The following COL13A1 variants were observed in gnomAD, a reference collection of about 807,000 sequenced individuals.
COL13A1 encodes the protein collagen type XIII alpha 1 chain.
In COL13A1, 89 loss-of-function variants were observed where a neutral mutation model predicts 130.9. That is an observed-to-expected ratio of 0.68 (90% CI 0.57 to 0.81). COL13A1 has a LOEUF of 0.81. Ranked by LOEUF, COL13A1 falls within the 30% of genes least tolerant of loss-of-function variation. The pLI is 0.00. For missense variants in COL13A1, 879 were observed against 934.6 expected (o/e 0.94, Z 0.78); for synonymous variants, 402 against 341.6 (o/e 1.18, Z -1.95).
At chr10:69,931,918 C>T (rs2066170524) in intron 30 of COL13A1, among the ~76,000 whole-genome samples, 1 of 152,156 alleles carries the variant, frequency 6.6e-6, no homozygotes, top group Non-Finnish European at 1.5e-5. Flanking sequence ...ATGTCTCAGC[C>T]AACTGTATTC....
At chr10:69,955,921 C>T (rs2070585278) in intron 39 of COL13A1, 1 of 152,124 alleles carries the variant, frequency 6.6e-6, no homozygotes, top group Admixed American at 6.5e-5. Flanking sequence ...TACAAGATAA[C>T]CAGACTTCCT....
chr10:69,808,817 A>G (rs897867108), intron 1 of COL13A1, among the ~76,000 whole-genome samples: 8 of 152,246 alleles, frequency 5.3e-5, no homozygotes, highest in African/African-American at 1.9e-4. Context: ...AAGGTTTATT[A>G]GTCAGCTCTC....
intron 1 of COL13A1, among the ~76,000 whole-genome samples, chr10:69,803,153 C>T (rs986547155): frequency 2.0e-5 from 3 of 152,208 alleles, no homozygotes; most frequent in African/African-American, 7.2e-5. Flanking sequence ...CCTCCCCCTC[C>T]ACCCCTTAAG....
intron 6 of COL13A1, 24 bp downstream of exon 6, chr10:69,878,089 G>C: frequency 2.8e-6 from 2 of 702,924 alleles, no homozygotes; most frequent in Non-Finnish European, 5.2e-6. Context: ...TTCCCCTTCT[G>C]CCCTGCACCC....
intron 26 of COL13A1, among the ~76,000 whole-genome samples, 196 bp from the exon 27 acceptor site, chr10:69,926,891 G>T (rs997613906): frequency 6.6e-6 from 1 of 152,170 alleles, no homozygotes; most frequent in African/African-American, 2.4e-5. Flanking sequence ...TCTCTCTCCA[G>T]TGATTACAAA....
intron 13 of COL13A1, among the ~76,000 whole-genome samples, chr10:69,898,368 G>A (rs2061862436): frequency 6.6e-6 from 1 of 152,354 alleles, no homozygotes; most frequent in African/African-American, 2.4e-5. Flanking sequence ...TGGCCATGTG[G>A]GAGCCACTGT....
chr10:69,912,747 G>A (rs1407585979), intron 17 of COL13A1, among the ~76,000 whole-genome samples: 1 of 152,218 alleles, frequency 6.6e-6, no homozygotes, highest in Non-Finnish European at 1.5e-5. Flanking sequence ...ACCTTGGCTG[G>A]GAGCTGACCG....
intron 1 of COL13A1, among the ~76,000 whole-genome samples, chr10:69,806,691 A>G (rs1841670423): frequency 6.6e-6 from 1 of 152,186 alleles, no homozygotes; most frequent in Non-Finnish European, 1.5e-5. Flanking sequence ...GCAGTGAATG[A>G]GAAGGGAGTG....
intron 5 of COL13A1, chr10:69,877,674 G>GTC (rs796795043): frequency 0.038 from 4,338 of 114,910 alleles, 231 homozygotes; most frequent in South Asian, 0.065. Context: ...CTCTCTCTCT[G>GTC]TCTCTCTCTC....
intron 15 of COL13A1, 133 bp downstream of exon 15, chr10:69,902,988 C>A: frequency 1.6e-6 from 1 of 636,356 alleles, no homozygotes; most frequent in Non-Finnish European, 2.6e-6. Flanking sequence ...GTGGGTGAAC[C>A]ATGCAAGGGG....
chr10:69,957,192 C>T, intron 40 of COL13A1, 150 bp downstream of exon 40: 1 of 658,956 alleles, frequency 1.5e-6, no homozygotes. Context: ...TTAAACATCC[C>T]ATACACTGCA....
intron 23 of COL13A1, among the ~76,000 whole-genome samples, chr10:69,923,100 G>A (rs1337508089): frequency 6.6e-6 from 1 of 152,228 alleles, no homozygotes; most frequent in East Asian, 1.9e-4. Flanking sequence ...TGGCTATGCT[G>A]TAACTGAGTC....
chr10:69,841,022 C>T lies in COL13A1; in HGVS notation c.364+18584C>T, dbSNP rs1007386476. The stretch of plus-strand genomic sequence containing the variant: ...CCCTGCAGTGGCGCCAGTGCCTTCA[C>T]GACCATGTCCAGCACACCCCATCGG... On this transcript the variant is annotated intron_variant, in intron 2 of 40. Transcript: ENST00000645393. 3.8e-4 allele frequency among the ~76,000 whole-genome samples: 58 copies of T among 152,064 alleles called. 2 individuals carry two copies. Among genetic ancestry groups the T allele is most frequent in the Non-Finnish European group, 8.8e-5 (6 of 68,000 alleles).
chr10:69,909,572 T>C (rs2063148225), intron 17 of COL13A1, among the ~76,000 whole-genome samples: 2 of 152,122 alleles, frequency 1.3e-5, no homozygotes, highest in Non-Finnish European at 2.9e-5. Flanking sequence ...CCACTAACTC[T>C]CCACTGCCTC....
At chr10:69,899,734 A>G (rs1420065843) in intron 14 of COL13A1, among the ~76,000 whole-genome samples, 1 of 152,226 alleles carries the variant, frequency 6.6e-6, no homozygotes, top group African/African-American at 2.4e-5. Flanking sequence ...TTCAGAGATC[A>G]CAGCTTGATT....
chr10:69,863,036 G>A (rs1858637073), intron 2 of COL13A1, among the ~76,000 whole-genome samples: 1 of 152,230 alleles, frequency 6.6e-6, no homozygotes, highest in African/African-American at 2.4e-5. Flanking sequence ...TGGGCCACGG[G>A]TAAGGGCGTG....
chr10:69,802,621 C>A lies in COL13A1; in HGVS notation c.198C>A (p.Ala66=). ...GCCTGCTCGCCCACTTTCGGACGGCCGAGCTGCAGGCCCGGGTGCTGCGCC... is the reference window on the plus strand; with the variant it reads ...GCCTGCTCGCCCACTTTCGGACGGCAGAGCTGCAGGCCCGGGTGCTGCGCC... The part of the protein sequence containing the change: ...ALSLLAHFRT[A]ELQARVLRLE... The change falls in exon 1 of 41, where the codon GCC becomes GCA. Residue 66 remains alanine, a synonymous_variant. Transcript: ENST00000645393. The A allele has an allele frequency of 6.2e-7, 1 of 1,613,194 alleles. No individual in the cohort carries two copies. The highest frequency in any genetic ancestry group is 1.3e-5 in the African/African-American group (1 of 74,988).
At chr10:69,917,536 A>AT (rs2064079236) in intron 18 of COL13A1, among the ~76,000 whole-genome samples, 1 of 152,032 alleles carries the variant, frequency 6.6e-6, no homozygotes, top group Non-Finnish European at 1.5e-5. Context: ...TCCCTGGGTC[A>AT]TAAAAAGCCA....
chr10:69,819,535 G>A (rs1158360541), intron 1 of COL13A1, among the ~76,000 whole-genome samples: 1 of 152,170 alleles, frequency 6.6e-6, no homozygotes, highest in Admixed American at 6.5e-5. Flanking sequence ...TCCAATTTGA[G>A]GCAGAGGGGC....
Sources: gnomAD v4.1 joint callset for allele counts (sites outside exome capture counted in the v4.1 genomes callset) on GRCh38, gnomAD v4.1.1 for gene constraint, MANE v1.5 for transcripts, NCBI Gene and HGNC (gene_info 2026-07-23, HGNC 2026-07-21) for gene names.